SLC9A9: variants seen among roughly 807,000 people sequenced by gnomAD.
SLC9A9 encodes the protein sodium/hydrogen exchanger 9.
SLC9A9 carries 62 observed loss-of-function variants against 77.8 expected under a neutral mutation model. The observed-to-expected ratio is 0.80, with a 90% CI of 0.65 to 0.98. The LOEUF (loss-of-function observed/expected upper bound fraction) is 0.98. Ranked by LOEUF, SLC9A9 falls within the 50% of genes least tolerant of loss-of-function variation. SLC9A9 has a pLI of 0.00. For synonymous variants in SLC9A9, 320 were observed against 283.5 expected (o/e 1.13, Z -1.29); for missense variants, 775 against 774.9 (o/e 1.00, Z 0.00).
intron 12 of SLC9A9, among the ~76,000 whole-genome samples, chr3:143,393,295 C>T (rs938964453): frequency 5.3e-5 from 8 of 152,218 alleles, no homozygotes; most frequent in Non-Finnish European, 8.8e-5. Context: ...GATTAAGAAA[C>T]TCACTCAAAA....
intron 5 of SLC9A9, among the ~76,000 whole-genome samples, chr3:143,668,344 G>T (rs1436694713): frequency 9.5e-6 from 1 of 105,194 alleles, no homozygotes. Context: ...GGTGGGGGGA[G>T]GGGGGAGGGA....
intron 9 of SLC9A9, among the ~76,000 whole-genome samples, chr3:143,529,320 G>C (rs1010631262): frequency 6.6e-6 from 1 of 152,134 alleles, no homozygotes; most frequent in South Asian, 2.1e-4. Context: ...GTTCACTTTG[G>C]CTTTTGGAAG....
At chr3:143,666,116 C>T (rs1366156522) in intron 5 of SLC9A9, among the ~76,000 whole-genome samples, 1 of 152,166 alleles carries the variant, frequency 6.6e-6, no homozygotes. Context: ...TCCAGCAGCA[C>T]ATCAAAAAGC....
chr3:143,727,622 C>A (rs1934689342), intron 4 of SLC9A9, among the ~76,000 whole-genome samples: 1 of 152,076 alleles, frequency 6.6e-6, no homozygotes, highest in Admixed American at 6.5e-5. Context: ...CTTTATCCTG[C>A]CAAAGTTTTA....
chr3:143,801,592 C>G (rs544835755), intron 2 of SLC9A9, among the ~76,000 whole-genome samples: 2 of 152,152 alleles, frequency 1.3e-5, no homozygotes, highest in African/African-American at 4.8e-5. Context: ...GACATACACC[C>G]CATTTCCCCA....
chr3:143,812,735 C>T (rs113851755), intron 2 of SLC9A9, among the ~76,000 whole-genome samples: 4,646 of 152,182 alleles, frequency 0.031, 157 homozygotes, highest in African/African-American at 0.083. Context: ...CATTCGGCAG[C>T]GGTTATGAAT....
At chr3:143,635,591 T>G (rs967794910) in intron 6 of SLC9A9, among the ~76,000 whole-genome samples, 1 of 152,204 alleles carries the variant, frequency 6.6e-6, no homozygotes, top group African/African-American at 2.4e-5. Flanking sequence ...CTCCTTTTCT[T>G]CCATACAAAT....
At chr3:143,634,147 C>CTTTTTTTTTTTTTTTTT (rs1033629087) in intron 6 of SLC9A9, among the ~76,000 whole-genome samples, 5 of 149,338 alleles carry the variant, frequency 3.3e-5, no homozygotes, top group African/African-American at 1.0e-4. Flanking sequence ...ATAATCCTTT[C>CTTTTTTTTTTTTTTTTT]TTTAAGCTTG....
intron 5 of SLC9A9, among the ~76,000 whole-genome samples, chr3:143,687,481 A>G (rs562157657): frequency 1.3e-5 from 2 of 152,286 alleles, no homozygotes; most frequent in South Asian, 4.1e-4. Context: ...TCCCAGTAAA[A>G]GAAGAGAATT....
intron 8 of SLC9A9, among the ~76,000 whole-genome samples, chr3:143,561,263 G>A (rs1218638417): frequency 6.6e-6 from 1 of 152,110 alleles, no homozygotes; most frequent in Non-Finnish European, 1.5e-5. Flanking sequence ...ATAACAATAA[G>A]TTTATACCAC....
chr3:143,747,942 C>T (rs983960703), intron 4 of SLC9A9, among the ~76,000 whole-genome samples: 2 of 152,148 alleles, frequency 1.3e-5, no homozygotes, highest in East Asian at 3.9e-4. Flanking sequence ...ACACTCCAGG[C>T]ACCTGAGACA....
chr3:143,831,595 T>G (rs2009434805), intron 2 of SLC9A9, among the ~76,000 whole-genome samples: 1 of 152,198 alleles, frequency 6.6e-6, no homozygotes, highest in Non-Finnish European at 1.5e-5. Context: ...GGTTTGCAAG[T>G]GAAAATGTTT....
chr3:143,432,359 C>T (rs1455592833), intron 12 of SLC9A9, among the ~76,000 whole-genome samples: 2 of 152,140 alleles, frequency 1.3e-5, no homozygotes, highest in African/African-American at 2.4e-5. Context: ...AAACTCTTTG[C>T]CCATTCCAGT....
chr3:143,338,429 C>G (rs1399526200), intron 14 of SLC9A9, among the ~76,000 whole-genome samples: 1 of 152,046 alleles, frequency 6.6e-6, no homozygotes, highest in African/African-American at 2.4e-5. Context: ...CTTCATGAAA[C>G]CCATGGAGAG....
chr3:143,423,786 C>T (rs542872429), intron 12 of SLC9A9, among the ~76,000 whole-genome samples: 2 of 152,322 alleles, frequency 1.3e-5, no homozygotes, highest in South Asian at 4.1e-4. Flanking sequence ...TTGACACCAT[C>T]TTAATTAAGT....
intron 6 of SLC9A9, among the ~76,000 whole-genome samples, chr3:143,621,140 A>C (rs969678860): frequency 1.1e-4 from 17 of 152,336 alleles, no homozygotes; most frequent in African/African-American, 4.1e-4. Flanking sequence ...GGTGGAGCCC[A>C]CCACAGCTCA....
intron 4 of SLC9A9, among the ~76,000 whole-genome samples, chr3:143,716,457 C>T (rs1351201377): frequency 6.6e-6 from 1 of 151,946 alleles, no homozygotes; most frequent in Non-Finnish European, 1.5e-5. Context: ...TATCAGTTCA[C>T]ATCAAAGAAG....
intron 4 of SLC9A9, among the ~76,000 whole-genome samples, chr3:143,740,392 C>T (rs1358513634): frequency 6.6e-6 from 1 of 152,058 alleles, no homozygotes; most frequent in Non-Finnish European, 1.5e-5. Context: ...TCTGGATTTC[C>T]CAAATTACAG....
chr3:143,678,056 G>A (rs1932942903), intron 5 of SLC9A9, among the ~76,000 whole-genome samples: 1 of 152,142 alleles, frequency 6.6e-6, no homozygotes, highest in Admixed American at 6.5e-5. Flanking sequence ...TGGATCTCCT[G>A]ACCTCGTGAT....
Sources: gnomAD v4.1 joint callset for allele counts (sites outside exome capture counted in the v4.1 genomes callset) on GRCh38, gnomAD v4.1.1 for gene constraint, MANE v1.5 for transcripts, NCBI Gene and HGNC (gene_info 2026-07-23, HGNC 2026-07-21) for gene names.